The following RORA variants were observed in gnomAD, a reference collection of about 807,000 sequenced individuals.
RORA encodes the protein RAR related orphan receptor A.
A neutral mutation model predicts 69.5 loss-of-function variants in RORA; 7 were observed. That is an observed-to-expected ratio of 0.10 (90% CI 0.06 to 0.19). RORA has a LOEUF of 0.19. Ranked by LOEUF, RORA falls within the 10% of genes least tolerant of loss-of-function variation. The pLI is 1.00. For missense variants in RORA, 457 were observed against 663.0 expected, an observed-to-expected ratio of 0.69 and a Z score of 3.41; for synonymous variants, 261 against 240.8, an observed-to-expected ratio of 1.08 and a Z score of -0.78.
chr15:60,826,155 A>G (rs901522264), intron 1 of RORA, among the ~76,000 whole-genome samples: 1 of 152,218 alleles, frequency 6.6e-6, no homozygotes, highest in Non-Finnish European at 1.5e-5. Context: ...ACCCAACAGT[A>G]GGAACTATGT....
At chr15:60,952,708 A>G (rs980786515) in intron 1 of RORA, among the ~76,000 whole-genome samples, 3 of 151,800 alleles carry the variant, frequency 2.0e-5, no homozygotes, top group African/African-American at 7.3e-5. Context: ...CAAAGAGGAT[A>G]AAATACCTAG....
In RORA at chr15:60,503,527, G is replaced by A. The variant is rs1365101076; in HGVS notation, c.1075+8C>T. ...AGAGATCTCAAAATTCACTTGCAAA[G>A]CACATACCTGCTTTTAGAAGCACAA... is the stretch of plus-strand genomic sequence containing the variant. On this transcript the variant is annotated splice_region_variant and intron_variant, in intron 7 of 10. Coordinates refer to ENST00000335670, the MANE Select transcript of RORA (RefSeq NM_134261.3). 6.2e-7 allele frequency: 1 copy of A among 1,613,682 alleles called. No individual in the cohort carries two copies. Among genetic ancestry groups the A allele is most frequent in the Non-Finnish European group, 8.5e-7 (1 of 1,179,862 alleles).
At chr15:60,981,443 G>C (rs1894043050) in intron 1 of RORA, among the ~76,000 whole-genome samples, 1 of 151,964 alleles carries the variant, frequency 6.6e-6, no homozygotes, top group Non-Finnish European at 1.5e-5. Context: ...TGGGTGTATT[G>C]ATGGGCTTAA....
At chr15:61,057,958 C>A (rs1474575204) in intron 1 of RORA, among the ~76,000 whole-genome samples, 1 of 152,194 alleles carries the variant, frequency 6.6e-6, no homozygotes, top group Non-Finnish European at 1.5e-5. Context: ...AGCAAAAGAT[C>A]CTGTGGGACT....
intron 1 of RORA, among the ~76,000 whole-genome samples, chr15:60,912,290 G>T (rs576483151): frequency 6.6e-6 from 1 of 152,006 alleles, no homozygotes; most frequent in Admixed American, 6.6e-5. Flanking sequence ...ATGTGGGGGG[G>T]CTGCATCTGT....
At chr15:60,543,724 T>G (rs2066978642) in intron 2 of RORA, among the ~76,000 whole-genome samples, 1 of 152,172 alleles carries the variant, frequency 6.6e-6, no homozygotes, top group South Asian at 2.1e-4. Flanking sequence ...TCAAGTGATC[T>G]AGCTGCCTTG....
chr15:61,200,034 T>C (rs879617015), intron 1 of RORA, among the ~76,000 whole-genome samples: 19 of 152,246 alleles, frequency 1.2e-4, no homozygotes, highest in Non-Finnish European at 2.5e-4. Flanking sequence ...TTCAGAAACA[T>C]CTTAATGGGT....
intron 1 of RORA, among the ~76,000 whole-genome samples, chr15:61,179,203 C>CGT (rs1306161892): frequency 6.6e-6 from 1 of 152,126 alleles, no homozygotes; most frequent in Non-Finnish European, 1.5e-5. Flanking sequence ...AAGTGTGGTC[C>CGT]GTGGTCCCTT....
At chr15:61,036,777 A>C (rs1258022914) in intron 1 of RORA, among the ~76,000 whole-genome samples, 1 of 128,496 alleles carries the variant, frequency 7.8e-6, no homozygotes, top group Non-Finnish European at 1.7e-5. Flanking sequence ...GAGATTTCTA[A>C]AGTTGTAGTA....
intron 2 of RORA, among the ~76,000 whole-genome samples, chr15:60,569,464 C>T (rs2067815985): frequency 6.6e-6 from 1 of 151,966 alleles, no homozygotes; most frequent in Non-Finnish European, 1.5e-5. Context: ...TTCATTTTTA[C>T]AAAATTCAAG....
At chr15:60,883,453 C>T (rs8039121) in intron 1 of RORA, among the ~76,000 whole-genome samples, 1,772 of 152,222 alleles carry the variant, frequency 0.012, 29 homozygotes, top group African/African-American at 0.04. Context: ...GAATGGTATG[C>T]AGCTGTTAAA....
At chr15:60,871,919 T>C (rs923078762) in intron 1 of RORA, among the ~76,000 whole-genome samples, 1 of 152,252 alleles carries the variant, frequency 6.6e-6, no homozygotes, top group African/African-American at 2.4e-5. Flanking sequence ...CATAGTTATG[T>C]AAGATGTTAA....
At chr15:61,078,329 CTGTGTGTGTGTGTGTG>C (rs56676588) in intron 1 of RORA, among the ~76,000 whole-genome samples, 7 of 133,182 alleles carry the variant, frequency 5.3e-5, no homozygotes, top group East Asian at 4.7e-4. Flanking sequence ...ACACCTGGCT[CTGTGTGTGTGTGTGTG>C]TGTGTGTGTG....
chr15:60,523,391 T>C (rs2066242157), intron 3 of RORA, among the ~76,000 whole-genome samples: 1 of 152,236 alleles, frequency 6.6e-6, no homozygotes, highest in African/African-American at 2.4e-5. Context: ...CATTTGTCTA[T>C]ATGAAATTTA....
intron 1 of RORA, among the ~76,000 whole-genome samples, chr15:60,912,457 A>C (rs1349383558): frequency 6.6e-6 from 1 of 151,604 alleles, no homozygotes; most frequent in Non-Finnish European, 1.5e-5. Flanking sequence ...ACAAAAAAAC[A>C]AAAAAATCAC....
intron 1 of RORA, among the ~76,000 whole-genome samples, chr15:60,892,757 C>A (rs1336176131): frequency 6.6e-6 from 1 of 152,162 alleles, no homozygotes; most frequent in South Asian, 2.1e-4. Flanking sequence ...TAAACTCTTT[C>A]CCTATCTTAC....
chr15:60,944,646 GCA>G, intron 1 of RORA, among the ~76,000 whole-genome samples: 1 of 146,284 alleles, frequency 6.8e-6, no homozygotes, highest in African/African-American at 2.6e-5. Flanking sequence ...GACTGCTTGA[GCA>G]AAAGGGGCAG....
At chr15:60,524,174 T>C (rs928425490) in intron 3 of RORA, among the ~76,000 whole-genome samples, 2 of 152,252 alleles carry the variant, frequency 1.3e-5, no homozygotes, top group East Asian at 3.8e-4. Flanking sequence ...ATCCATCTAC[T>C]TGTCTCCATC....
chr15:61,135,559 G>C (rs1041105722), intron 1 of RORA, among the ~76,000 whole-genome samples: 1 of 93,138 alleles, frequency 1.1e-5, no homozygotes, highest in African/African-American at 4.2e-5. Context: ...TGTAATGTTA[G>C]AAACTTGTAT....
Sources: allele counts gnomAD v4.1 joint callset (sites outside exome capture counted in the v4.1 genomes callset), GRCh38; gene constraint gnomAD v4.1.1; transcripts MANE v1.5; gene names NCBI Gene and HGNC (gene_info 2026-07-23, HGNC 2026-07-21).